TAF1: variants seen among roughly 807,000 people sequenced by gnomAD.
TAF1 encodes transcription initiation factor TFIID subunit 1.
A neutral mutation model predicts 138.5 loss-of-function variants in TAF1; 2 were observed. The ratio of observed to expected loss-of-function variants is 0.01; its 90% CI spans 0.01 to 0.05. The LOEUF (loss-of-function observed/expected upper bound fraction) is 0.05, where lower values mean the gene tolerates loss of function less well. TAF1 is among the 10% of genes least tolerant of loss of function. The probability of loss-of-function intolerance (pLI) is 1.00; values close to 1 mark genes in which losing one functional copy is unlikely to be tolerated. For synonymous variants in TAF1, 437 were observed against 503.2 expected (o/e 0.87, Z 1.76); for missense variants, 709 against 1,478.0 (o/e 0.48, Z 8.53).
chrX:71,401,513 CT>C lies in TAF1; in HGVS notation c.3787-11del. The C allele has an allele frequency of 8.3e-7, 1 of 1,210,916 alleles. No individual in the cohort carries two copies. The highest frequency in any genetic ancestry group is 1.1e-6 in the Non-Finnish European group (1 of 894,861). On this transcript the variant is annotated splice_polypyrimidine_tract_variant and intron_variant, in intron 24 of 37. Transcript: ENST00000423759. ...CTACTTACCTCTGACGTGTTTGATACTTTTCCTTTTGCAGCTGAAATGTGGG... is the reference window on the plus strand; with the variant it reads ...CTACTTACCTCTGACGTGTTTGATACTTTCCTTTTGCAGCTGAAATGTGGG...
Position 71,420,759 on chromosome X carries a change from G to C in TAF1, c.4385-550G>C, listed in dbSNP as rs896603201. Among the ~76,000 whole-genome samples the C allele has an allele frequency of 3.5e-5, 4 of 112,988 alleles. No homozygotes were observed. The South Asian group carries it at 1.1e-3, about 30-fold the overall frequency. On this transcript the variant is annotated intron_variant, in intron 28 of 37. Coordinates refer to ENST00000423759, the MANE Select transcript of TAF1 (RefSeq NM_004606.5). The stretch of plus-strand genomic sequence containing the variant: ...CCAGGCCTGGAGCTCCCGTGGGGGT[G>C]GGGGGCGCAAGGCCAGGGCGGCTCC...
At chrX:71,494,914 G>A (rs1054254089) in intron 13 of TAF1, among the ~76,000 whole-genome samples, 4 of 112,222 alleles carry the variant, frequency 3.6e-5, no homozygotes, top group Admixed American at 9.4e-5. Flanking sequence ...CTGCTGATTG[G>A]TCCATTTTAC....
chrX:71,476,138 A>G (rs1033711355), intron 13 of TAF1, among the ~76,000 whole-genome samples: 2 of 111,998 alleles, frequency 1.8e-5, no homozygotes, highest in African/African-American at 6.5e-5. Context: ...ATATTTCTTT[A>G]TAGTGACACA....
chrX:71,451,358 A>G (rs2037951189), intron 32 of TAF1, among the ~76,000 whole-genome samples: 1 of 112,332 alleles, frequency 8.9e-6, no homozygotes, highest in African/African-American at 3.2e-5. Flanking sequence ...AAATAAATGT[A>G]AAAGAGTGTT....
At chrX:71,422,894 C>T (rs1317490635) in intron 29 of TAF1, among the ~76,000 whole-genome samples, 1 of 110,724 alleles carries the variant, frequency 9.0e-6, no homozygotes, top group Non-Finnish European at 1.9e-5. Flanking sequence ...CGCCCGCCAC[C>T]ACGCCCAGCT....
At position 71,382,587 on chromosome X, in the gene TAF1, G is replaced by A. The variant is rs2033964330; in HGVS notation, c.1589G>A (p.Ser530Asn). 5 of 1,209,804 alleles carry A rather than the reference G, an allele frequency of 4.1e-6. No homozygotes were observed. The highest frequency in any genetic ancestry group is 1.8e-5 in the South Asian group (1 of 56,793). The change falls in exon 10 of 38, where the codon AGT becomes AAT. Residue 530 changes from serine to asparagine, a missense_variant. Physicochemically the swap from Ser to Asn is conservative, Grantham distance 46. Transcript: ENST00000423759. The part of the protein sequence containing the change: ...EATSNSPSKE[S>N]KKESSLKKSR... ...ACCTCTAACTCCCCCTCCAAGGAGA[G>A]TAAGAAGGAATCATCTCTGAAGAAG...
At chrX:71,433,295 A>G (rs1417150471) in intron 32 of TAF1, among the ~76,000 whole-genome samples, 1 of 112,071 alleles carries the variant, frequency 8.9e-6, no homozygotes, top group East Asian at 2.8e-4. Flanking sequence ...TGTGAACAAT[A>G]AGGTAACTCA....
At chrX:71,523,578 T>A (rs779981968) in intron 13 of TAF1, among the ~76,000 whole-genome samples, 17 of 112,252 alleles carry the variant, frequency 1.5e-4, no homozygotes, top group Admixed American at 5.7e-4. Flanking sequence ...ACATCAAATA[T>A]TTACTTTATG....
At chrX:71,380,363 T>C (rs1371200003) in intron 8 of TAF1, among the ~76,000 whole-genome samples, 4 of 111,572 alleles carry the variant, frequency 3.6e-5, no homozygotes, top group Non-Finnish European at 7.5e-5. Context: ...CACATAAATA[T>C]TTTTGTGTCA....
At chrX:71,378,781 A>G in intron 7 of TAF1, 43 bp from the exon 8 acceptor site, 3 of 1,161,719 alleles carry the variant, frequency 2.6e-6, no homozygotes, top group Non-Finnish European at 1.2e-6. Flanking sequence ...AACCTTGACC[A>G]GTGACCAATC....
At chrX:71,420,779 G>A (rs1380551737) in intron 28 of TAF1, among the ~76,000 whole-genome samples, 1 of 112,910 alleles carries the variant, frequency 8.9e-6, no homozygotes, top group African/African-American at 3.2e-5. Flanking sequence ...AGGCCAGGGC[G>A]GCTCCTCTTC....
Position 71,505,130 on chromosome X carries a change from C to CA in TAF1, c.1367-23405dup, listed in dbSNP as rs778536562. 5.7e-3 allele frequency among the ~76,000 whole-genome samples: 620 copies of CA among 109,097 alleles called. 2 individuals carry two copies. The highest frequency in any genetic ancestry group is 8.4e-3 in the Non-Finnish European group (442 of 52,501). The allele number at this position is 109,097 out of a possible 115,157, so 94.7% of individuals were successfully genotyped here. ...TGGGCAACAGAGCGAGACCCCATAT[C>CA]AAAAAAATATATATGTATATATAAT... On this transcript the variant is annotated intron_variant and NMD_transcript_variant, in intron 13 of 14. Coordinates refer to the TAF1 transcript ENST00000373775.
intron 13 of TAF1, among the ~76,000 whole-genome samples, chrX:71,512,322 A>AAAAAC (rs1226539844): frequency 9.0e-6 from 1 of 111,547 alleles, no homozygotes; most frequent in Non-Finnish European, 1.9e-5. Context: ...CTCAAAAACA[A>AAAAAC]AAAACAAAAC....
intron 28 of TAF1, among the ~76,000 whole-genome samples, chrX:71,419,865 T>A (rs1174092650): frequency 1.8e-5 from 2 of 111,964 alleles, no homozygotes; most frequent in Non-Finnish European, 3.8e-5. Context: ...AGCAGCCTCC[T>A]GCCCCACTCC....
In TAF1 at chrX:71,378,291, T is replaced by C. The variant is rs752150314; in HGVS notation, c.990T>C (p.Asp330=). The change falls in exon 7 of 38, where the codon GAT becomes GAC. Residue 330 remains aspartate (D), a synonymous_variant. Coordinates refer to ENST00000423759, the MANE Select transcript of TAF1 (RefSeq NM_004606.5). Reference sequence around the variant, plus strand: ...TTTCCCAATCAACTGGAGATATAGATAAAGTGACAGATACCAAACCAAGAG... The same window carrying C: ...TTTCCCAATCAACTGGAGATATAGACAAAGTGACAGATACCAAACCAAGAG... ...SKFSQSTGDI[D]KVTDTKPRVA... is the part of the protein sequence containing the mutation. 8.3e-6 allele frequency: 10 copies of C among 1,211,777 alleles called. No individual in the cohort carries two copies. Among genetic ancestry groups the C allele is most frequent in the East Asian group, 3.0e-5 (1 of 33,848 alleles).
chrX:71,417,065 A>G (rs931446379), intron 28 of TAF1, among the ~76,000 whole-genome samples: 1 of 109,956 alleles, frequency 9.1e-6, no homozygotes, highest in African/African-American at 3.3e-5. Context: ...TAATGCCCAA[A>G]TGTGGCAGTA....
Position 71,486,454 on chromosome X carries a change from C to T in TAF1, c.1366+25651C>T, listed in dbSNP as rs938545363. On this transcript the variant is annotated intron_variant and NMD_transcript_variant, in intron 13 of 14. Transcript: ENST00000373775. Reference sequence around the variant, plus strand: ...GCTCACTGCAGCACCAACTCCTGGGCTCAAGCAATCCTCCCACCCCAGTCC... The same window carrying T: ...GCTCACTGCAGCACCAACTCCTGGGTTCAAGCAATCCTCCCACCCCAGTCC... Among the ~76,000 whole-genome samples the T allele has an allele frequency of 3.6e-5, 4 of 110,148 alleles. No individual in the cohort carries two copies. The Admixed American group carries it at 3.9e-4, about 11-fold the overall frequency.
rs767276886 is a variant in TAF1, at chrX:71,508,731, A to T, written c.1367-19811A>T. Among the ~76,000 whole-genome samples the T allele has an allele frequency of 3.8e-5, 4 of 105,525 alleles. No homozygotes were observed. The East Asian group carries it at 1.2e-3, about 30-fold the overall frequency. 91.6% of individuals were successfully genotyped at this position (105,525 alleles called of 115,157 possible). On this transcript the variant is annotated intron_variant and NMD_transcript_variant, in intron 13 of 14. Transcript: ENST00000373775. ...AGATAGAAGATATATATGGAGAGACAGAGTGAGTGTGTGTGTGTGTGTGTG... is the reference window on the plus strand; with the variant it reads ...AGATAGAAGATATATATGGAGAGACTGAGTGAGTGTGTGTGTGTGTGTGTG...
intron 32 of TAF1, among the ~76,000 whole-genome samples, chrX:71,440,418 GA>G (rs2037352632): frequency 9.0e-6 from 1 of 111,009 alleles, no homozygotes; most frequent in African/African-American, 3.3e-5. Context: ...GGTTTTGGAT[GA>G]GTTTAATTTT....
Sources: allele counts gnomAD v4.1 joint callset (sites outside exome capture counted in the v4.1 genomes callset), GRCh38; gene constraint gnomAD v4.1.1; transcripts MANE v1.5; gene names NCBI Gene and HGNC (gene_info 2026-07-23, HGNC 2026-07-21).